The following ECI2 variants were observed in gnomAD, a reference collection of about 807,000 sequenced individuals.
The protein encoded by ECI2 is enoyl-CoA delta isomerase 2, also known as D3,D2-enoyl-CoA isomerase.
In ECI2, 27 loss-of-function variants were observed where a neutral mutation model predicts 38.4. The ratio of observed to expected loss-of-function variants is 0.70; its 90% confidence interval spans 0.52 to 0.97. The LOEUF (loss-of-function observed/expected upper bound fraction) is 0.97. ECI2 is among the 50% of genes least tolerant of loss of function. The pLI, the probability that ECI2 is intolerant of heterozygous loss-of-function variation, is 0.00. For missense variants in ECI2, 470 were observed against 474.4 expected (o/e 0.99, Z 0.09); for synonymous variants, 168 against 172.0 (o/e 0.98, Z 0.18).
chr6:4,132,240 C>T (rs1460893471), intron 2 of ECI2, among the ~76,000 whole-genome samples: 1 of 152,202 alleles, frequency 6.6e-6, no homozygotes, highest in East Asian at 1.9e-4. Context: ...ATTGTCCTTT[C>T]CCCATGGAGT....
At chr6:4,124,226 C>G (rs1016882443) in intron 7 of ECI2, among the ~76,000 whole-genome samples, 1 of 152,182 alleles carries the variant, frequency 6.6e-6, no homozygotes, top group Non-Finnish European at 1.5e-5. Context: ...AGCCTGGCAC[C>G]TAGAATCTCA....
At chr6:4,128,726 G>C (rs1773334742) in intron 4 of ECI2, among the ~76,000 whole-genome samples, 1 of 152,046 alleles carries the variant, frequency 6.6e-6, no homozygotes, top group African/African-American at 2.4e-5. Flanking sequence ...ATTTAATATA[G>C]CATTTACATT....
chr6:4,117,688 C>T, intron 8 of ECI2: 1 of 416,978 alleles, frequency 2.4e-6, no homozygotes, highest in South Asian at 5.8e-5. Flanking sequence ...GTTGGAGGGG[C>T]AAGATCAGGG....
In ECI2 at chr6:4,128,117, T is replaced by C. The variant is rs974911310; in HGVS notation, c.502-286A>G. ...AAGAAAGAAATAGTCCTTGAGCTTTTGGAATTAACAGAGGACTTAACATGT... is the reference window on the plus strand; with the variant it reads ...AAGAAAGAAATAGTCCTTGAGCTTTCGGAATTAACAGAGGACTTAACATGT... On this transcript the variant is annotated intron_variant, in intron 4 of 9. Transcript: ENST00000380118. Among the ~76,000 whole-genome samples the C allele has an allele frequency of 2.6e-5, 4 of 152,240 alleles. No individual in the cohort carries two copies. The East Asian group carries it at 7.7e-4, about 29-fold the overall frequency.
chr6:4,127,662 C>T (rs1773257348), intron 5 of ECI2, 100 bp downstream of exon 5: 2 of 1,220,922 alleles, frequency 1.6e-6, no homozygotes, highest in Admixed American at 2.3e-5. Context: ...AGCCACCTGC[C>T]TCGGCCTCCA....
chr6:4,133,806 C>CATGT, intron 1 of ECI2, 95 bp from the exon 2 acceptor site: 1 of 1,384,880 alleles, frequency 7.2e-7, no homozygotes, highest in Non-Finnish European at 9.5e-7. Context: ...AACAAAATGC[C>CATGT]ATGTTTGTCT....
chr6:4,125,450 G>A, intron 6 of ECI2, 80 bp from the exon 7 acceptor site: 1 of 1,578,562 alleles, frequency 6.3e-7, no homozygotes, highest in Non-Finnish European at 8.6e-7. Flanking sequence ...CTGACTCTGA[G>A]ATAAAGCCTT....
At chr6:4,131,677 T>C (rs548900089) in intron 2 of ECI2, among the ~76,000 whole-genome samples, 12 of 151,702 alleles carry the variant, frequency 7.9e-5, no homozygotes, top group Admixed American at 6.6e-4. Flanking sequence ...ACCAATATGG[T>C]AAAACCCCAT....
chr6:4,134,658 T>C (rs574257121), intron 1 of ECI2, among the ~76,000 whole-genome samples: 2 of 152,324 alleles, frequency 1.3e-5, no homozygotes, highest in East Asian at 3.9e-4. Context: ...TTTGGACTAT[T>C]AGTAACTGAT....
At position 4,130,485 on chromosome 6, in the gene ECI2, G is replaced by C. The variant is rs187493649; in HGVS notation, c.388C>G (p.Pro130Ala). 113 of 1,614,168 alleles carry C rather than the reference G, an allele frequency of 7.0e-5. No homozygotes were observed. In the Admixed American group the frequency reaches 1.8e-3, roughly 26 times the overall value. Residue 130 changes from proline (P) to alanine (A), a missense_variant, in exon 4 of 10, where the codon CCT (proline) becomes GCT (alanine). Pro to Ala is a conservative substitution (Grantham distance 27). Transcript: ENST00000380118. Reference protein sequence around the residue: ...PSLESSSQVEPGTDRKSTGFE... With the variant: ...PSLESSSQVEAGTDRKSTGFE... ...CCAGTTGATTTCCTGTCTGTTCCAGGCTCCACCTGACTAGAGGATTCCAAT... is the reference window on the plus strand; with the variant it reads ...CCAGTTGATTTCCTGTCTGTTCCAGCCTCCACCTGACTAGAGGATTCCAAT...
intron 1 of ECI2, among the ~76,000 whole-genome samples, chr6:4,134,335 A>C (rs1178829833): frequency 2.0e-5 from 3 of 152,142 alleles, no homozygotes; most frequent in Admixed American, 2.0e-4. Context: ...GGAGTCAGTG[A>C]AGGGGGCTCA....
rs370736595 is a variant in ECI2, at chr6:4,130,354, G to A, written c.501+18C>T. The A allele has an allele frequency of 4.2e-5, 67 of 1,614,000 alleles. No individual in the cohort carries two copies. Among genetic ancestry groups the A allele is most frequent in the East Asian group, 6.7e-5 (3 of 44,900 alleles). On this transcript the variant is annotated intron_variant, in intron 4 of 9. Coordinates refer to ENST00000380118, the MANE Select transcript of ECI2 (RefSeq NM_206836.3). ...AAGAAAGTAAAACAGGACAAACTCC[G>A]TGGGCAGGTAACATTACCTCAGTGT... is the stretch of plus-strand genomic sequence containing the variant.
rs760545629 is a variant in ECI2 at position 4,135,414 on chromosome 6, A to AT, written c.50+96_50+97insA. 22 of 1,598,484 alleles carry AT rather than the reference A, an allele frequency of 1.4e-5. No homozygotes were observed. The East Asian group carries it at 2.5e-4, about 18-fold the overall frequency. ...AGCAAAATCCTGTTGCCACCTAGAC[A>AT]ATAGGGAAGGAGGGTCTTCCAACGG... is the stretch of plus-strand genomic sequence containing the variant. On this transcript the variant is annotated intron_variant, in intron 1 of 9. Transcript: ENST00000380118.
intron 7 of ECI2, among the ~76,000 whole-genome samples, chr6:4,121,322 A>G (rs373031791): frequency 1.3e-5 from 2 of 152,296 alleles, no homozygotes; most frequent in South Asian, 4.1e-4. Flanking sequence ...TTCCTATTAT[A>G]TAGTTGTAAG....
intron 2 of ECI2, among the ~76,000 whole-genome samples, chr6:4,131,856 C>CA (rs1251757850): frequency 1.4e-5 from 2 of 143,930 alleles, no homozygotes; most frequent in East Asian, 4.1e-4. Context: ...AACTCTGTCT[C>CA]AAAAAAACAA....
At chr6:4,122,224 CT>C (rs34646177) in intron 7 of ECI2, among the ~76,000 whole-genome samples, 110 of 142,862 alleles carry the variant, frequency 7.7e-4, no homozygotes, top group Non-Finnish European at 8.4e-4. Flanking sequence ...TCCTTCTTTG[CT>C]TTTTTTTTTT....
rs1773601351 is a variant in ECI2 at position 4,133,707 on chromosome 6, G to A, written c.55C>T (p.Leu19=). Residue 19 remains leucine, a synonymous_variant, in exon 2 of 10, where the codon CTG becomes TTG. Coordinates refer to ENST00000380118, the MANE Select transcript of ECI2 (RefSeq NM_206836.3). ...RLARRSCPSS[L]QVTSFPVVQL... is the part of the protein sequence containing the mutation. ...ACTACCGGGAAACTAGTGACCTGCA[G>A]AGAACTACAATTAGGCAGACTGATT... 6.2e-7 allele frequency: 1 copy of A among 1,605,500 alleles called. No homozygotes were observed. Among genetic ancestry groups the A allele is most frequent in the African/African-American group, 1.3e-5 (1 of 74,506 alleles).
In ECI2 at chr6:4,127,789, C is replaced by A; in HGVS notation, c.544G>T (p.Asp182Tyr). Residue 182 changes from aspartate (D) to tyrosine (Y), a missense_variant, in exon 5 of 10, where the codon GAT (aspartate) becomes TAT (tyrosine). By Grantham distance (160) the Asp-to-Tyr change is radical. Coordinates refer to ENST00000380118, the MANE Select transcript of ECI2 (RefSeq NM_206836.3). ...GTTAAAACAGTGATGATTGAGTCAT[C>A]CTTGCTGGCAGCTTTAAGTGCACGC... ...IMRALKAASK[D>Y]DSIITVLTGN... The A allele has an allele frequency of 6.2e-7, 1 of 1,613,090 alleles. No homozygotes were observed. Among genetic ancestry groups the A allele is most frequent in the Non-Finnish European group, 8.5e-7 (1 of 1,179,566 alleles).
At chr6:4,129,920 G>T (rs752313460) in intron 4 of ECI2, among the ~76,000 whole-genome samples, 1 of 152,000 alleles carries the variant, frequency 6.6e-6, no homozygotes, top group East Asian at 1.9e-4. Flanking sequence ...ACTTTAAAGC[G>T]GAGCTGGGTG....
Sources: allele counts gnomAD v4.1 joint callset (sites outside exome capture counted in the v4.1 genomes callset), GRCh38; gene constraint gnomAD v4.1.1; transcripts MANE v1.5; gene names NCBI Gene and HGNC (gene_info 2026-07-23, HGNC 2026-07-21).